COL5A2: variants seen among roughly 807,000 people sequenced by gnomAD.
The protein encoded by COL5A2 is collagen type V alpha 2 chain.
Under a neutral mutation model 208.2 loss-of-function variants are expected in COL5A2, and 23 were observed. The ratio of observed to expected loss-of-function variants is 0.11; its 90% CI spans 0.08 to 0.16. The LOEUF is 0.16. Among genes scored for constraint, COL5A2 ranks in the 10% least tolerant of loss-of-function variants. COL5A2 has a pLI of 1.00. For synonymous variants in COL5A2, 625 were observed against 628.5 expected, an observed-to-expected ratio of 0.99 and a Z score of 0.08; for missense variants, 1,590 against 1,956.4, an observed-to-expected ratio of 0.81 and a Z score of 3.53.
chr2:189,291,753 C>T, the COL5A2 span, among the ~76,000 whole-genome samples: 1 of 151,730 alleles, frequency 6.6e-6, no homozygotes, highest in Admixed American at 6.6e-5. Context: ...TTTTATACTA[C>T]TGAAAATTTT....
At chr2:189,378,168 C>A in the COL5A2 span, among the ~76,000 whole-genome samples, 2 of 152,084 alleles carry the variant, frequency 1.3e-5, no homozygotes, top group Non-Finnish European at 2.9e-5. Context: ...CCAATTCCAA[C>A]GGTGATTTCT....
Position 189,045,249 on chromosome 2 carries a change from A to T in COL5A2, c.3310-17T>A, listed in dbSNP as rs201791446. 122 of 1,595,954 alleles carry T rather than the reference A, an allele frequency of 7.6e-5. No individual in the cohort carries two copies. The African/African-American group carries it at 1.3e-3, about 17-fold the overall frequency. On this transcript the variant is annotated splice_polypyrimidine_tract_variant and intron_variant, in intron 46 of 53. Transcript: ENST00000374866. ...CCGAGAACCCTAAAAGAAATTTACA[A>T]CAAAAAAAATTGGCATGTAAAAAAG...
At chr2:189,110,860 G>T (rs546894566) in intron 1 of COL5A2, among the ~76,000 whole-genome samples, 1 of 152,176 alleles carries the variant, frequency 6.6e-6, no homozygotes, top group Admixed American at 6.5e-5. Flanking sequence ...ATTATGACTT[G>T]CAACTCACTG....
chr2:189,333,308 C>A, the COL5A2 span, among the ~76,000 whole-genome samples: 140 of 152,200 alleles, frequency 9.2e-4, no homozygotes, highest in African/African-American at 3.3e-3. Context: ...TGCTAAACTT[C>A]TAGCAGGACT....
At chr2:189,425,774 A>T in the COL5A2 span, among the ~76,000 whole-genome samples, 3 of 152,126 alleles carry the variant, frequency 2.0e-5, no homozygotes, top group Non-Finnish European at 2.9e-5. Flanking sequence ...CAGAGTTCTC[A>T]TGAGATCCAG....
At chr2:189,283,405 T>A in the COL5A2 span, among the ~76,000 whole-genome samples, 5 of 152,158 alleles carry the variant, frequency 3.3e-5, no homozygotes, top group East Asian at 9.6e-4. Context: ...CTCTGTGGTC[T>A]TCCTCCCAAG....
At chr2:189,434,925 T>G in the COL5A2 span, among the ~76,000 whole-genome samples, 1 of 152,154 alleles carries the variant, frequency 6.6e-6, no homozygotes, top group Non-Finnish European at 1.5e-5. Context: ...GACTTCAAAC[T>G]ATACTACAAG....
At chr2:189,394,957 A>T in the COL5A2 span, among the ~76,000 whole-genome samples, 6 of 152,142 alleles carry the variant, frequency 3.9e-5, no homozygotes, top group Non-Finnish European at 2.9e-5. Context: ...TGTCTTTTCA[A>T]TGAGATGGTT....
chr2:189,374,195 G>C, the COL5A2 span, among the ~76,000 whole-genome samples: 2 of 152,084 alleles, frequency 1.3e-5, no homozygotes, highest in East Asian at 3.8e-4. Context: ...ATGACACATA[G>C]TGCATGAGTG....
At chr2:189,262,880 T>C in the COL5A2 span, among the ~76,000 whole-genome samples, 256 of 152,282 alleles carry the variant, frequency 1.7e-3, no homozygotes, top group African/African-American at 5.9e-3. Context: ...TTATTGCAGA[T>C]GCATTCTGAT....
intron 51 of COL5A2, among the ~76,000 whole-genome samples, chr2:189,037,084 C>A (rs73981491): frequency 6.6e-6 from 1 of 151,792 alleles, no homozygotes; most frequent in Non-Finnish European, 1.5e-5. Flanking sequence ...AAAACCATAC[C>A]GAAAAGAGAA....
chr2:189,189,671 T>C (rs1018872803), intron 1 of COL5A2, among the ~76,000 whole-genome samples: 6 of 113,228 alleles, frequency 5.3e-5, no homozygotes, highest in Admixed American at 1.0e-4. Flanking sequence ...AAGGAAAATA[T>C]GTATGTGTGC....
Position 189,085,708 on chromosome 2 carries a change from T to G in COL5A2, c.744+11A>C. On this transcript the variant is annotated intron_variant, in intron 10 of 53. Transcript: ENST00000374866. ...AATGTAACTGGGTCTACATGCTTAC[T>G]TGACATTTACCATTGGTCCAGGATC... The G allele has an allele frequency of 6.2e-7, 1 of 1,612,548 alleles. No homozygotes were observed. Among genetic ancestry groups the G allele is most frequent in the East Asian group, 2.2e-5 (1 of 44,830 alleles).
At chr2:189,158,989 A>G (rs1204920589) in intron 1 of COL5A2, among the ~76,000 whole-genome samples, 1 of 152,180 alleles carries the variant, frequency 6.6e-6, no homozygotes, top group Admixed American at 6.5e-5. Flanking sequence ...CACCGAAGTC[A>G]CACAAATATT....
At chr2:189,093,993 A>G (rs1259403714) in intron 6 of COL5A2, among the ~76,000 whole-genome samples, 1 of 152,236 alleles carries the variant, frequency 6.6e-6, no homozygotes, top group Non-Finnish European at 1.5e-5. Flanking sequence ...TCTGCTCCCA[A>G]TGAGAGTTCC....
intron 11 of COL5A2, 28 bp from the exon 12 acceptor site, chr2:189,084,065 G>T: frequency 6.5e-7 from 1 of 1,544,182 alleles, no homozygotes; most frequent in Non-Finnish European, 9.0e-7. Context: ...TAGGAGATTG[G>T]GAAGGCAAAA....
chr2:189,210,390 T>A (rs1689197374), intron 1 of COL5A2, among the ~76,000 whole-genome samples: 1 of 151,010 alleles, frequency 6.6e-6, no homozygotes, highest in Non-Finnish European at 1.5e-5. Context: ...CATATTTTCG[T>A]CTGTTTTCAC....
At chr2:189,121,640 T>C (rs898152686) in intron 1 of COL5A2, among the ~76,000 whole-genome samples, 4 of 142,218 alleles carry the variant, frequency 2.8e-5, no homozygotes, top group African/African-American at 5.0e-5. Flanking sequence ...AAAAGCATTT[T>C]TCAGGAGAAT....
chr2:189,389,377 CAGA>C, the COL5A2 span, among the ~76,000 whole-genome samples: 1 of 152,138 alleles, frequency 6.6e-6, no homozygotes, highest in Non-Finnish European at 1.5e-5. Flanking sequence ...GACAAAAATA[CAGA>C]AGAACAATTA....
Sources: gnomAD v4.1 joint callset for allele counts (sites outside exome capture counted in the v4.1 genomes callset) on GRCh38, gnomAD v4.1.1 for gene constraint, MANE v1.5 for transcripts, NCBI Gene and HGNC (gene_info 2026-07-23, HGNC 2026-07-21) for gene names.